ABHD17C: variants seen among roughly 807,000 people sequenced by gnomAD.
ABHD17C encodes the protein abhydrolase domain containing 17C, depalmitoylase.
A neutral mutation model predicts 27.9 loss-of-function variants in ABHD17C; 11 were observed. The ratio of observed to expected loss-of-function variants is 0.39; its 90% CI spans 0.25 to 0.65. The LOEUF (loss-of-function observed/expected upper bound fraction) is 0.65. Among genes scored for constraint, ABHD17C ranks in the 30% least tolerant of loss-of-function variants. The pLI, the probability that ABHD17C is intolerant of heterozygous loss-of-function variation, is 0.45. For synonymous variants in ABHD17C, 233 were observed against 209.1 expected (o/e 1.11, Z -0.98); for missense variants, 280 against 470.2 (o/e 0.60, Z 3.74).
At chr15:80,709,968 G>A (rs571881489) in intron 1 of ABHD17C, among the ~76,000 whole-genome samples, 2 of 152,264 alleles carry the variant, frequency 1.3e-5, no homozygotes, top group South Asian at 2.1e-4. Flanking sequence ...ATGAAAAACA[G>A]TAATCATAAT....
intron 1 of ABHD17C, among the ~76,000 whole-genome samples, chr15:80,730,401 G>T (rs1034483154): frequency 6.6e-6 from 1 of 152,170 alleles, no homozygotes; most frequent in African/African-American, 2.4e-5. Flanking sequence ...TCTCCACCAG[G>T]CTCCTTAGTG....
Position 80,695,604 on chromosome 15 carries a change from CCGGCCCAGGCTACCGCCGCCGCCGCCG to C in ABHD17C, c.184_210del (p.Ala62_Gln70del), listed in dbSNP as rs1240585230. 1 of 1,139,824 alleles carries C rather than the reference CCGGCCCAGGCTACCGCCGCCGCCGCCG, an allele frequency of 8.8e-7. No individual in the cohort carries two copies. Among genetic ancestry groups the C allele is most frequent in the Non-Finnish European group, 1.1e-6 (1 of 931,390 alleles). 70.6% of individuals were successfully genotyped at this position (1,139,824 alleles called of 1,614,324 possible). Reference sequence around the variant, plus strand: ...CGGCGCCGGCGCGTCCGCCCCGGCCCCGGCCCAGGCTACCGCCGCCGCCGCCGCGGCCCAGCCGGCACCGCAGCAGCC... The same window carrying C: ...CGGCGCCGGCGCGTCCGCCCCGGCCCCGGCCCAGCCGGCACCGCAGCAGCC... On this transcript the variant is annotated inframe_deletion, in exon 1 of 3. Transcript: ENST00000258884. The surrounding 1 kb of genome is among the most constrained non-coding windows in gnomAD (Gnocchi z 4.3).
At chr15:80,732,573 G>C (rs916920606) in intron 1 of ABHD17C, among the ~76,000 whole-genome samples, 1 of 152,140 alleles carries the variant, frequency 6.6e-6, no homozygotes, top group African/African-American at 2.4e-5. Context: ...AAAAAGGACG[G>C]GGTGGGGGGA....
At chr15:80,698,649 CA>C (rs902824553) in intron 1 of ABHD17C, among the ~76,000 whole-genome samples, 6 of 152,232 alleles carry the variant, frequency 3.9e-5, no homozygotes, top group African/African-American at 1.4e-4. Flanking sequence ...GCCCCTCAAC[CA>C]CTTTCCTCTT....
In ABHD17C at chr15:80,695,489, C is replaced by T. The variant is rs1176435630; in HGVS notation, c.60C>T (p.Phe20=). 2 of 1,394,880 alleles carry T rather than the reference C, an allele frequency of 1.4e-6. No individual in the cohort carries two copies. The highest frequency in any genetic ancestry group is 3.1e-5 in the African/African-American group (2 of 65,434). The allele number at this position is 1,394,880 out of a possible 1,614,324, so 86.4% of individuals were successfully genotyped here. A position where few individuals can be genotyped will look rare whatever the true frequency, so the allele number is the denominator to read the frequency against. ...CGCTGGGTGAGCTGTGCTGGCTCTT[C>T]TGCTGCCCGCCCTGCCCGAGCCGCA... The part of the protein sequence containing the change: ...GFSLGELCWL[F]CCPPCPSRIA... The change falls in exon 1 of 3, where the codon TTC becomes TTT. Residue 20 remains phenylalanine (F), a synonymous_variant. Transcript: ENST00000258884. The surrounding 1 kb of genome is among the most constrained non-coding windows in gnomAD (Gnocchi z 4.3).
chr15:80,695,783 C>T lies in ABHD17C; in HGVS notation c.354C>T (p.Asn118=). 1.3e-6 allele frequency: 2 copies of T among 1,545,740 alleles called. No individual in the cohort carries two copies. The highest frequency in any genetic ancestry group is 1.7e-6 in the Non-Finnish European group (2 of 1,153,474). The change falls in exon 1 of 3, where the codon AAC becomes AAT. Residue 118 remains asparagine, a synonymous_variant. Coordinates refer to ENST00000258884, the MANE Select transcript of ABHD17C (RefSeq NM_021214.2). The surrounding 1 kb of genome is among the most constrained non-coding windows in gnomAD (Gnocchi z 4.3). ...EVFFSRTARD[N]RLGCMFVRCA... ...TCTTCTCGCGCACGGCCCGGGACAA[C>T]CGGCTCGGCTGCATGTTCGTGCGCT...
chr15:80,747,580 G>GTATC (rs1185705639), intron 1 of ABHD17C, among the ~76,000 whole-genome samples: 1 of 152,164 alleles, frequency 6.6e-6, no homozygotes, highest in Non-Finnish European at 1.5e-5. Flanking sequence ...GGATGCTGCT[G>GTATC]TATCAGTTGT....
At chr15:80,739,596 T>A (rs1895178034) in intron 1 of ABHD17C, among the ~76,000 whole-genome samples, 1 of 152,056 alleles carries the variant, frequency 6.6e-6, no homozygotes, top group Admixed American at 6.6e-5. Context: ...GAACCTGACA[T>A]CTCTCTTGTT....
intron 1 of ABHD17C, among the ~76,000 whole-genome samples, chr15:80,717,357 CA>C (rs1480521019): frequency 6.7e-6 from 1 of 149,436 alleles, no homozygotes; most frequent in African/African-American, 2.4e-5. Flanking sequence ...TGAGCACTTT[CA>C]TTTTTTTCTA....
intron 2 of ABHD17C, among the ~76,000 whole-genome samples, chr15:80,753,201 A>T (rs1029495203): frequency 1.3e-5 from 2 of 151,750 alleles, no homozygotes; most frequent in Non-Finnish European, 2.9e-5. Flanking sequence ...ATATAAATAT[A>T]AAAAAATCTA....
chr15:80,709,098 G>A, intron 1 of ABHD17C, among the ~76,000 whole-genome samples: 1 of 152,106 alleles, frequency 6.6e-6, no homozygotes, highest in South Asian at 2.1e-4. Context: ...CTTGCAGTTT[G>A]TATCATACCA....
At chr15:80,738,415 T>TA (rs775076500) in intron 1 of ABHD17C, among the ~76,000 whole-genome samples, 2 of 152,088 alleles carry the variant, frequency 1.3e-5, no homozygotes, top group Non-Finnish European at 2.9e-5. Context: ...AGACTCTGGG[T>TA]ACCTGGATGG....
chr15:80,726,576 A>C (rs1894981459), intron 1 of ABHD17C, among the ~76,000 whole-genome samples: 1 of 111,282 alleles, frequency 9.0e-6, no homozygotes, highest in Admixed American at 1.2e-4. Flanking sequence ...CGGTGGCGAG[A>C]TCTTGGCTCA....
chr15:80,714,495 G>T (rs1596063143), intron 1 of ABHD17C, among the ~76,000 whole-genome samples: 1 of 152,200 alleles, frequency 6.6e-6, no homozygotes, highest in Non-Finnish European at 1.5e-5. Flanking sequence ...GGATTTGAAC[G>T]CAGGCAGCCT....
chr15:80,742,944 G>T (rs947026945), intron 1 of ABHD17C, among the ~76,000 whole-genome samples: 1 of 128,350 alleles, frequency 7.8e-6, no homozygotes, highest in African/African-American at 2.9e-5. Context: ...ATAGCTGTTT[G>T]CAAGACTTCA....
chr15:80,718,772 A>C (rs942952795), intron 1 of ABHD17C, among the ~76,000 whole-genome samples: 3 of 152,230 alleles, frequency 2.0e-5, no homozygotes, highest in Admixed American at 6.5e-5. Flanking sequence ...GGAGGACTGC[A>C]GCATCATTCC....
chr15:80,752,409 G>A (rs1484297247), intron 2 of ABHD17C, among the ~76,000 whole-genome samples: 1 of 152,148 alleles, frequency 6.6e-6, no homozygotes, highest in African/African-American at 2.4e-5. Context: ...GATGACAGTT[G>A]TTTGTAGATC....
At chr15:80,738,944 T>C (rs1895170312) in intron 1 of ABHD17C, among the ~76,000 whole-genome samples, 1 of 152,170 alleles carries the variant, frequency 6.6e-6, no homozygotes, top group East Asian at 1.9e-4. Flanking sequence ...CAAGTTCTAT[T>C]AATACAAGGA....
At chr15:80,697,921 A>T (rs1894515897) in intron 1 of ABHD17C, among the ~76,000 whole-genome samples, 2 of 152,214 alleles carry the variant, frequency 1.3e-5, no homozygotes, top group South Asian at 4.1e-4. Context: ...TTTTGACTGT[A>T]ACCTCACAGT....
Sources: gnomAD v4.1 joint callset for allele counts (sites outside exome capture counted in the v4.1 genomes callset) on GRCh38, gnomAD v4.1.1 for gene constraint, Gnocchi (gnomAD v3.1) non-coding constraint, MANE v1.5 for transcripts, NCBI Gene and HGNC (gene_info 2026-07-23, HGNC 2026-07-21) for gene names.